AGBL4: variants seen among roughly 807,000 people sequenced by gnomAD.
AGBL4 encodes cytosolic carboxypeptidase 6.
Under a neutral mutation model 66.4 loss-of-function variants are expected in AGBL4, and 58 were observed. That is an observed-to-expected ratio of 0.87 (90% confidence interval 0.71 to 1.09). The LOEUF is 1.09. Among genes scored for constraint, AGBL4 ranks in the 50% least tolerant of loss-of-function variants. The pLI, the probability that AGBL4 is intolerant of heterozygous loss-of-function variation, is 0.00. For synonymous variants in AGBL4, 234 were observed against 222.9 expected (o/e 1.05, Z -0.44); for missense variants, 579 against 631.0 (o/e 0.92, Z 0.88).
chr1:49,444,598 G>T (rs1646111199), intron 3 of AGBL4, among the ~76,000 whole-genome samples: 2 of 151,376 alleles, frequency 1.3e-5, no homozygotes, highest in Admixed American at 1.3e-4. Flanking sequence ...TGCTACTCCT[G>T]CTTGCTTTTG....
intron 3 of AGBL4, among the ~76,000 whole-genome samples, chr1:49,522,438 A>AT (rs1406677646): frequency 1.3e-5 from 2 of 151,798 alleles, no homozygotes; most frequent in African/African-American, 4.8e-5. Flanking sequence ...TTCCACACAC[A>AT]TTTTTCCTAC....
At chr1:49,754,145 G>A (rs867410834) in intron 2 of AGBL4, among the ~76,000 whole-genome samples, 1 of 152,142 alleles carries the variant, frequency 6.6e-6, no homozygotes, top group African/African-American at 2.4e-5. Context: ...TGGAGGAGAA[G>A]AGGCATTCTG....
At chr1:49,464,248 T>C (rs1646577871) in intron 3 of AGBL4, among the ~76,000 whole-genome samples, 1 of 151,746 alleles carries the variant, frequency 6.6e-6, no homozygotes, top group African/African-American at 2.4e-5. Flanking sequence ...TGGCAATATA[T>C]ATACTCTCAC....
intron 6 of AGBL4, among the ~76,000 whole-genome samples, chr1:48,771,638 T>A (rs1644839168): frequency 1.3e-5 from 2 of 152,220 alleles, no homozygotes; most frequent in Non-Finnish European, 2.9e-5. Flanking sequence ...TTTCACTCAC[T>A]TTTTTCAAGA....
In AGBL4 at chr1:48,923,943, C is replaced by A. The variant is rs549403504; in HGVS notation, c.595-56713G>T. Among the ~76,000 whole-genome samples the A allele has an allele frequency of 1.9e-4, 29 of 152,220 alleles. 1 individual carries two copies. Among genetic ancestry groups the A allele is most frequent in the African/African-American group, 5.3e-4 (22 of 41,548 alleles). On this transcript the variant is annotated intron_variant, in intron 5 of 13. Coordinates refer to ENST00000371839, the MANE Select transcript of AGBL4 (RefSeq NM_032785.4). ...GTACTGAGAGATGAATGCAGCCAAC[C>A]TTCCACTTCTATTCTTAGATCTGGC... is the stretch of plus-strand genomic sequence containing the variant.
At chr1:49,430,895 C>G (rs1202943496) in intron 3 of AGBL4, among the ~76,000 whole-genome samples, 1 of 152,184 alleles carries the variant, frequency 6.6e-6, no homozygotes, top group East Asian at 1.9e-4. Flanking sequence ...ACAGTTGATA[C>G]TCTTTTATGT....
intron 6 of AGBL4, among the ~76,000 whole-genome samples, chr1:48,731,381 T>C (rs1648101156): frequency 6.6e-6 from 1 of 152,216 alleles, no homozygotes; most frequent in South Asian, 2.1e-4. Context: ...ATGTATGGCC[T>C]TGGGCAAGTT....
In AGBL4 at chr1:48,539,650, C is replaced by T. The variant is rs927622923; in HGVS notation, c.1356G>A (p.Pro452=). ...TCTGCTCTGCCACTTACCGCAGTCT[C>T]GGCATGGGAATTGCCACCTTTTCAA... is the stretch of plus-strand genomic sequence containing the variant. The part of the protein sequence containing the change: ...PVVEKVAIPM[P]RLRNKEIEVQ... The change falls in exon 12 of 14, where the codon CCG becomes CCA. Residue 452 remains proline (P), a synonymous_variant. Transcript: ENST00000371839. 7.8e-6 allele frequency: 12 copies of T among 1,540,286 alleles called. No individual in the cohort carries two copies. In the Admixed American group the frequency reaches 1.0e-4, roughly 13 times the overall value.
chr1:49,547,935 G>C (rs1032770622), intron 3 of AGBL4, among the ~76,000 whole-genome samples: 1 of 151,958 alleles, frequency 6.6e-6, no homozygotes, highest in African/African-American at 2.4e-5. Flanking sequence ...CACCATGCCC[G>C]GCTAGTTTTT....
At chr1:49,941,323 A>G (rs1204848413) in intron 1 of AGBL4, among the ~76,000 whole-genome samples, 1 of 152,154 alleles carries the variant, frequency 6.6e-6, no homozygotes, top group Non-Finnish European at 1.5e-5. Flanking sequence ...TTCCAAACTC[A>G]TTTTACAAAC....
chr1:49,113,854 G>A (rs1645463757), intron 4 of AGBL4, among the ~76,000 whole-genome samples: 1 of 152,110 alleles, frequency 6.6e-6, no homozygotes, highest in African/African-American at 2.4e-5. Context: ...TCCCTGAGAA[G>A]TAGGTCTCAA....
intron 9 of AGBL4, among the ~76,000 whole-genome samples, chr1:48,601,564 T>G (rs35736973): frequency 6.6e-6 from 1 of 152,208 alleles, no homozygotes; most frequent in Non-Finnish European, 1.5e-5. Context: ...CTTACATATA[T>G]GTACATTTCT....
At chr1:49,383,361 CAT>C (rs1488232106) in intron 3 of AGBL4, among the ~76,000 whole-genome samples, 1 of 152,006 alleles carries the variant, frequency 6.6e-6, no homozygotes, top group Non-Finnish European at 1.5e-5. Context: ...GGAAAAAAAA[CAT>C]AGTTAAAAGC....
chr1:49,124,396 C>A (rs2148052570), intron 4 of AGBL4, among the ~76,000 whole-genome samples: 1 of 152,200 alleles, frequency 6.6e-6, no homozygotes, highest in African/African-American at 2.4e-5. Flanking sequence ...AATTTTCTAC[C>A]AGCATCTGCC....
intron 5 of AGBL4, among the ~76,000 whole-genome samples, chr1:48,895,531 C>T (rs750742032): frequency 1.8e-4 from 28 of 152,302 alleles, no homozygotes; most frequent in Non-Finnish European, 2.5e-4. Context: ...TGAGCGATGA[C>T]GATGGCAGAG....
intron 5 of AGBL4, among the ~76,000 whole-genome samples, chr1:49,023,350 CAG>C (rs1482001381): frequency 1.3e-5 from 2 of 152,116 alleles, no homozygotes; most frequent in Non-Finnish European, 2.9e-5. Context: ...GTCCTAGAAT[CAG>C]GGGGTACTGG....
chr1:48,526,982 C>A, the AGBL4 span, among the ~76,000 whole-genome samples: 69 of 152,194 alleles, frequency 4.5e-4, no homozygotes, highest in African/African-American at 1.4e-3. Context: ...ACTATGCTGC[C>A]TTTAATGCTG....
intron 2 of AGBL4, among the ~76,000 whole-genome samples, chr1:49,836,011 T>G (rs2148027889): frequency 6.6e-6 from 1 of 152,280 alleles, no homozygotes; most frequent in South Asian, 2.1e-4. Context: ...GCCCTTAACA[T>G]TTTTTCCTTT....
At chr1:48,741,395 C>A (rs1290486321) in intron 6 of AGBL4, among the ~76,000 whole-genome samples, 1 of 152,202 alleles carries the variant, frequency 6.6e-6, no homozygotes, top group African/African-American at 2.4e-5. Context: ...ATGCTAAGAA[C>A]TCAGGCTCCA....
Sources: gnomAD v4.1 joint callset for allele counts (sites outside exome capture counted in the v4.1 genomes callset) on GRCh38, gnomAD v4.1.1 for gene constraint, MANE v1.5 for transcripts, NCBI Gene and HGNC (gene_info 2026-07-23, HGNC 2026-07-21) for gene names.